PIAS4: variants seen among roughly 807,000 people sequenced by gnomAD.
PIAS4 encodes E3 SUMO-protein ligase PIAS4.
A neutral mutation model predicts 58.0 loss-of-function variants in PIAS4; 7 were observed. The ratio of observed to expected loss-of-function variants is 0.12; its 90% CI spans 0.07 to 0.23. The LOEUF (loss-of-function observed/expected upper bound fraction) is 0.23. PIAS4 is among the 10% of genes least tolerant of loss of function. The probability of loss-of-function intolerance (pLI) is 1.00; values close to 1 mark genes in which losing one functional copy is unlikely to be tolerated. For missense variants in PIAS4, 550 were observed against 709.5 expected, an observed-to-expected ratio of 0.78 and a Z score of 2.55; for synonymous variants, 364 against 312.4, an observed-to-expected ratio of 1.17 and a Z score of -1.74.
intron 2 of PIAS4, among the ~76,000 whole-genome samples, chr19:4,022,523 C>T (rs1238322561): frequency 6.6e-6 from 1 of 151,008 alleles, no homozygotes; most frequent in Non-Finnish European, 1.5e-5. Context: ...CCTGCCACTA[C>T]ACCCAGCTAA....
intron 7 of PIAS4, among the ~76,000 whole-genome samples, chr19:4,030,567 G>A (rs950574893): frequency 2.0e-5 from 3 of 151,658 alleles, no homozygotes; most frequent in Non-Finnish European, 4.4e-5. Flanking sequence ...TGCAGTGAGC[G>A]GAGATCGTGC....
At chr19:4,024,439 A>T (rs1025677778) in intron 3 of PIAS4, among the ~76,000 whole-genome samples, 1 of 152,168 alleles carries the variant, frequency 6.6e-6, no homozygotes, top group African/African-American at 2.4e-5. Flanking sequence ...CCTCGCCTCC[A>T]CCCACGCCAT....
intron 1 of PIAS4, among the ~76,000 whole-genome samples, chr19:4,010,268 T>G (rs1300132387): frequency 1.3e-5 from 2 of 152,144 alleles, no homozygotes; most frequent in African/African-American, 4.8e-5. Flanking sequence ...CGTGAACATA[T>G]GGCCACCTAA....
At chr19:4,036,043 C>T (rs1361890077) in intron 9 of PIAS4, among the ~76,000 whole-genome samples, 1 of 131,866 alleles carries the variant, frequency 7.6e-6, no homozygotes, top group Non-Finnish European at 1.7e-5. Context: ...CACCGTCATA[C>T]ACACACACAT....
intron 2 of PIAS4, among the ~76,000 whole-genome samples, chr19:4,022,665 CGTTT>C (rs1214423456): frequency 6.6e-6 from 1 of 151,510 alleles, no homozygotes; most frequent in East Asian, 2.0e-4. Flanking sequence ...CGCGCCTGGC[CGTTT>C]GTTTTTGTTT....
intron 4 of PIAS4, 35 bp downstream of exon 4, chr19:4,028,222 ACCCCCAGCC>A: frequency 6.4e-7 from 1 of 1,550,456 alleles, no homozygotes. Flanking sequence ...CCAGGGCTGG[ACCCCCAGCC>A]ACCCGCCCCT....
chr19:4,028,423 G>T (rs1328689251), intron 4 of PIAS4, 87 bp from the exon 5 acceptor site: 14 of 1,024,378 alleles, frequency 1.4e-5, no homozygotes, highest in Non-Finnish European at 2.9e-6. Context: ...CATCACTGCC[G>T]CCTGGCTACC....
chr19:4,028,001 A>T, intron 3 of PIAS4, 145 bp from the exon 4 acceptor site: 1 of 824,340 alleles, frequency 1.2e-6, no homozygotes, highest in Non-Finnish European at 2.1e-6. Flanking sequence ...CCCAGCCCGT[A>T]CAAAAGAGTC....
intron 7 of PIAS4, 27 bp downstream of exon 7, chr19:4,029,063 A>G (rs2040197550): frequency 6.6e-7 from 1 of 1,521,898 alleles, no homozygotes; most frequent in Admixed American, 1.9e-5. Flanking sequence ...ACCTCGGCCG[A>G]GGGGTGCCAA....
intron 7 of PIAS4, among the ~76,000 whole-genome samples, chr19:4,031,283 G>A (rs80011879): frequency 1.1e-3 from 169 of 152,270 alleles, no homozygotes; most frequent in Middle Eastern, 6.8e-3. Flanking sequence ...GAAGCCTCCT[G>A]TGCACTCCAG....
At chr19:4,032,247 T>A (rs957346859) in intron 7 of PIAS4, among the ~76,000 whole-genome samples, 10 of 152,012 alleles carry the variant, frequency 6.6e-5, no homozygotes, top group South Asian at 2.1e-4. Flanking sequence ...GGACCCCAAG[T>A]CACTTGGGCA....
chr19:4,015,928 C>T (rs2144911392), intron 2 of PIAS4, among the ~76,000 whole-genome samples: 1 of 152,346 alleles, frequency 6.6e-6, no homozygotes, highest in South Asian at 2.1e-4. Context: ...ACAGAGCAGG[C>T]TGCAGGGGCC....
rs757949859 is a variant in PIAS4, at chr19:4,013,126, G to A, written c.231G>A (p.Pro77=). The change falls in exon 2 of 11, where the codon CCG becomes CCA. Residue 77 remains proline (P), a synonymous_variant. Transcript: ENST00000262971. The surrounding 1 kb of genome is among the most constrained non-coding windows in gnomAD (Gnocchi z 5.1). ...AKKNSEPAPQ[P]HRPLDPLTMH... is the part of the protein sequence containing the mutation. ...AGAACTCGGAGCCTGCCCCACAGCC[G>A]CACCGGCCCCTGGACCCCCTGACCA... 9 of 1,613,214 alleles carry A rather than the reference G, an allele frequency of 5.6e-6. No homozygotes were observed. The East Asian group carries it at 6.7e-5, about 12-fold the overall frequency.
At position 4,037,219 on chromosome 19, in the gene PIAS4, T is replaced by C. The variant is rs1031067401; in HGVS notation, c.1143-155T>C. Reference sequence around the variant, plus strand: ...AGGGGCCTGAGGGCGGGGGAGGGAATGCGGGGTCCCTGGACCCCTGCGGTC... The same window carrying C: ...AGGGGCCTGAGGGCGGGGGAGGGAACGCGGGGTCCCTGGACCCCTGCGGTC... On this transcript the variant is annotated intron_variant, in intron 9 of 10. Transcript: ENST00000262971. This position sits in a 1 kb window ranked among gnomAD's most constrained non-coding sequence, Gnocchi z 5.8. Among the ~76,000 whole-genome samples, 2 of 146,302 alleles carry C rather than the reference T, an allele frequency of 1.4e-5. No homozygotes were observed. The highest frequency in any genetic ancestry group is 5.0e-5 in the African/African-American group (2 of 39,912).
At chr19:4,010,466 C>T (rs925207706) in intron 1 of PIAS4, among the ~76,000 whole-genome samples, 21 of 152,390 alleles carry the variant, frequency 1.4e-4, no homozygotes, top group East Asian at 1.9e-4. Context: ...GAAGAAACAT[C>T]TTGTCTGCAA....
chr19:4,008,853 A>G (rs999713767), intron 1 of PIAS4, among the ~76,000 whole-genome samples: 1 of 149,198 alleles, frequency 6.7e-6, no homozygotes, highest in African/African-American at 2.5e-5. Context: ...CTTTCTGCCT[A>G]TTCTCTTTTG....
intron 7 of PIAS4, among the ~76,000 whole-genome samples, chr19:4,031,369 G>A (rs536039497): frequency 4.2e-4 from 64 of 152,338 alleles, no homozygotes; most frequent in African/African-American, 1.5e-3. Flanking sequence ...GTCCCTCCAC[G>A]GAGTCCGGCA....
intron 2 of PIAS4, among the ~76,000 whole-genome samples, chr19:4,019,847 G>A (rs1188744533): frequency 6.6e-6 from 1 of 152,182 alleles, no homozygotes; most frequent in Admixed American, 6.5e-5. Flanking sequence ...AGGTCAACAT[G>A]GGCGGGACGT....
intron 8 of PIAS4, 73 bp downstream of exon 8, chr19:4,033,246 G>GGGCGGCTTGGCTGGGCCCC: frequency 6.7e-7 from 1 of 1,501,144 alleles, no homozygotes; most frequent in South Asian, 1.1e-5. Context: ...CCCTGGGCCC[G>GGGCGGCTTGGCTGGGCCCC]GGGCGGCTTG....
Sources: allele counts gnomAD v4.1 joint callset (sites outside exome capture counted in the v4.1 genomes callset), GRCh38; gene constraint gnomAD v4.1.1; non-coding constraint Gnocchi (gnomAD v3.1); transcripts MANE v1.5; gene names NCBI Gene and HGNC (gene_info 2026-07-23, HGNC 2026-07-21).